Variants in THSD7B observed in about 807,000 individuals in gnomAD.
The protein encoded by THSD7B is thrombospondin type 1 domain containing 7B.
A neutral mutation model predicts 213.6 loss-of-function variants in THSD7B; 138 were observed. That is an observed-to-expected ratio of 0.65 (90% CI 0.56 to 0.74). THSD7B has a LOEUF of 0.74. Among genes scored for constraint, THSD7B ranks in the 30% least tolerant of loss-of-function variants. THSD7B has a pLI of 0.00. For synonymous variants in THSD7B, 742 were observed against 687.0 expected, an observed-to-expected ratio of 1.08 and a Z score of -1.25; for missense variants, 1,931 against 1,991.5, an observed-to-expected ratio of 0.97 and a Z score of 0.58.
At chr2:137,219,845 A>T (rs1372716579) in intron 7 of THSD7B, among the ~76,000 whole-genome samples, 1 of 152,150 alleles carries the variant, frequency 6.6e-6, no homozygotes, top group African/African-American at 2.4e-5. Flanking sequence ...AATGGATACT[A>T]AATAATATTT....
At chr2:136,944,155 G>A (rs1220777515) in intron 2 of THSD7B, among the ~76,000 whole-genome samples, 1 of 152,142 alleles carries the variant, frequency 6.6e-6, no homozygotes, top group Non-Finnish European at 1.5e-5. Context: ...TAGTCATTCA[G>A]GAGCACGTCA....
At chr2:136,792,505 A>G (rs1681986159) in intron 1 of THSD7B, among the ~76,000 whole-genome samples, 1 of 152,034 alleles carries the variant, frequency 6.6e-6, no homozygotes, top group South Asian at 2.1e-4. Flanking sequence ...ACCCTGGTGT[A>G]AACGATGGGC....
At chr2:137,046,510 G>T (rs1686972415) in intron 2 of THSD7B, among the ~76,000 whole-genome samples, 1 of 151,956 alleles carries the variant, frequency 6.6e-6, no homozygotes, top group Admixed American at 6.6e-5. Flanking sequence ...TGGGCAGATC[G>T]CCTGAGGTCG....
chr2:137,554,807 A>G (rs1680922402), intron 15 of THSD7B, among the ~76,000 whole-genome samples: 5 of 152,162 alleles, frequency 3.3e-5, no homozygotes, highest in Admixed American at 3.3e-4. Flanking sequence ...AGCCAAACAA[A>G]TCTGTGACAG....
intron 12 of THSD7B, among the ~76,000 whole-genome samples, chr2:137,395,784 A>G (rs1219193045): frequency 1.3e-5 from 2 of 151,434 alleles, no homozygotes; most frequent in African/African-American, 2.4e-5. Flanking sequence ...CTGTGAATCC[A>G]TCTGGTCCTG....
In THSD7B at chr2:136,952,934, C is replaced by G. The variant is rs1685063711; in HGVS notation, c.139+70617C>G. Among the ~76,000 whole-genome samples the G allele has an allele frequency of 2.0e-5, 3 of 152,134 alleles. No individual in the cohort carries two copies. The South Asian group carries it at 6.2e-4, about 31-fold the overall frequency. ...CATAAACCAGTTAGAATTACAGTTT[C>G]ATGTGGATTCTTCCAGAGCAAATTG... On this transcript the variant is annotated intron_variant, in intron 2 of 27. Transcript: ENST00000409968.
chr2:137,039,828 T>C (rs1206569191), intron 2 of THSD7B, among the ~76,000 whole-genome samples: 4 of 152,224 alleles, frequency 2.6e-5, no homozygotes, highest in Admixed American at 1.3e-4. Flanking sequence ...CTCTTTGCTT[T>C]GGGTATTTGG....
At chr2:137,667,976 A>G (rs1256127932) in intron 27 of THSD7B, 115 bp downstream of exon 27, 6 of 709,014 alleles carry the variant, frequency 8.5e-6, no homozygotes, top group East Asian at 3.0e-5. Flanking sequence ...GAGTCCAAAA[A>G]TTAACAGTAG....
intron 2 of THSD7B, among the ~76,000 whole-genome samples, chr2:136,977,084 A>G (rs544340045): frequency 8.5e-5 from 13 of 152,164 alleles, no homozygotes; most frequent in African/African-American, 3.1e-4. Context: ...TTAGCTGTAA[A>G]TCTGTCTGGT....
intron 2 of THSD7B, among the ~76,000 whole-genome samples, chr2:136,987,113 C>T (rs750523364): frequency 9.9e-5 from 15 of 152,180 alleles, no homozygotes; most frequent in Admixed American, 3.9e-4. Flanking sequence ...CAGAAGAGAA[C>T]TCAGACTCAC....
intron 2 of THSD7B, among the ~76,000 whole-genome samples, chr2:137,013,426 C>G (rs1320766291): frequency 6.6e-6 from 1 of 152,090 alleles, no homozygotes; most frequent in Non-Finnish European, 1.5e-5. Context: ...AGCTGAGACT[C>G]TGGGGAGATC....
chr2:136,853,612 G>C (rs904720997), intron 1 of THSD7B, among the ~76,000 whole-genome samples: 1 of 152,126 alleles, frequency 6.6e-6, no homozygotes, highest in African/African-American at 2.4e-5. Context: ...TTACCTTTGT[G>C]TTTGAGTAAC....
At chr2:136,874,681 C>T (rs1230435255) in intron 1 of THSD7B, among the ~76,000 whole-genome samples, 1 of 152,128 alleles carries the variant, frequency 6.6e-6, no homozygotes, top group Admixed American at 6.5e-5. Context: ...TTTATAGTCT[C>T]AATGGCCTTT....
At chr2:137,158,641 CCA>C (rs1319873813) in intron 5 of THSD7B, among the ~76,000 whole-genome samples, 5 of 150,090 alleles carry the variant, frequency 3.3e-5, no homozygotes, top group African/African-American at 1.3e-4. Flanking sequence ...TACTTTTTCC[CCA>C]TGGGTTGCAA....
chr2:137,011,988 G>A (rs996654576), intron 2 of THSD7B, among the ~76,000 whole-genome samples: 5 of 152,078 alleles, frequency 3.3e-5, no homozygotes, highest in African/African-American at 7.2e-5. Flanking sequence ...TAAAAAATAC[G>A]TGGAATAAGG....
At chr2:137,141,481 T>C (rs1035647974) in intron 5 of THSD7B, among the ~76,000 whole-genome samples, 1 of 89,430 alleles carries the variant, frequency 1.1e-5, no homozygotes, top group African/African-American at 4.9e-5. Context: ...CACACATGTG[T>C]GCACACACAC....
intron 15 of THSD7B, among the ~76,000 whole-genome samples, chr2:137,519,393 C>G (rs1680136281): frequency 6.6e-6 from 1 of 152,166 alleles, no homozygotes; most frequent in African/African-American, 2.4e-5. Flanking sequence ...TTCAATACTG[C>G]TGAAACCATG....
At chr2:137,147,237 C>T (rs1006559116) in intron 5 of THSD7B, among the ~76,000 whole-genome samples, 34 of 152,120 alleles carry the variant, frequency 2.2e-4, no homozygotes, top group African/African-American at 7.5e-4. Context: ...TGCTTTTGTT[C>T]GGTTTTGCAG....
intron 12 of THSD7B, among the ~76,000 whole-genome samples, chr2:137,295,065 CT>C (rs1410293397): frequency 6.6e-6 from 1 of 152,074 alleles, no homozygotes; most frequent in African/African-American, 2.4e-5. Context: ...TCCTCTCCCC[CT>C]GTATCTCTGC....
Sources: gnomAD v4.1 joint callset for allele counts (sites outside exome capture counted in the v4.1 genomes callset) on GRCh38, gnomAD v4.1.1 for gene constraint, MANE v1.5 for transcripts, NCBI Gene and HGNC (gene_info 2026-07-23, HGNC 2026-07-21) for gene names.